The following FGGY variants were observed in gnomAD, a reference collection of about 807,000 sequenced individuals.
FGGY encodes FGGY carbohydrate kinase domain-containing protein.
A neutral mutation model predicts 71.3 loss-of-function variants in FGGY; 72 were observed. The observed-to-expected ratio is 1.01, with a 90% CI of 0.84 to 1.23. The LOEUF is 1.23. Ranked by LOEUF, FGGY falls within the 50% of genes most tolerant of loss-of-function variation. The pLI, the probability that FGGY is intolerant of heterozygous loss-of-function variation, is 0.00. For synonymous variants in FGGY, 251 were observed against 250.3 expected, an observed-to-expected ratio of 1.00 and a Z score of -0.02; for missense variants, 668 against 682.3, an observed-to-expected ratio of 0.98 and a Z score of 0.23.
At chr1:59,432,004 A>C (rs1238555489) in intron 5 of FGGY, among the ~76,000 whole-genome samples, 1 of 152,186 alleles carries the variant, frequency 6.6e-6, no homozygotes, top group African/African-American at 2.4e-5. Context: ...CATGTGATGG[A>C]TAGCAGCTCA....
intron 6 of FGGY, among the ~76,000 whole-genome samples, chr1:59,477,447 A>G (rs146742891): frequency 1.6e-4 from 25 of 152,218 alleles, no homozygotes; most frequent in African/African-American, 5.8e-4. Context: ...GCTGGCAGAC[A>G]CTGCGTTGCC....
chr1:59,472,469 G>A (rs1043947612), intron 6 of FGGY, among the ~76,000 whole-genome samples: 7 of 152,348 alleles, frequency 4.6e-5, no homozygotes, highest in Admixed American at 3.3e-4. Context: ...GAGGAATGCG[G>A]GCGCACGGCG....
chr1:59,362,517 T>C (rs187673466), intron 4 of FGGY, among the ~76,000 whole-genome samples: 1 of 152,350 alleles, frequency 6.6e-6, no homozygotes, highest in Admixed American at 6.5e-5. Context: ...TCTCTCAGAC[T>C]GAGCTTCTCA....
At chr1:59,440,094 CAA>C (rs140279518) in intron 5 of FGGY, among the ~76,000 whole-genome samples, 47,115 of 125,414 alleles carry the variant, frequency 0.38, 7,371 homozygotes, top group Middle Eastern at 0.49. Flanking sequence ...TTGCAAGGTT[CAA>C]AAAAAAAAAA....
intron 1 of FGGY, among the ~76,000 whole-genome samples, chr1:59,299,482 G>A (rs1389606287): frequency 6.6e-6 from 1 of 152,226 alleles, no homozygotes; most frequent in Non-Finnish European, 1.5e-5. Flanking sequence ...GGTAATTGTA[G>A]TAATATAGGT....
At chr1:59,490,365 G>A (rs1196363350) in intron 6 of FGGY, among the ~76,000 whole-genome samples, 1 of 152,054 alleles carries the variant, frequency 6.6e-6, no homozygotes, top group Non-Finnish European at 1.5e-5. Flanking sequence ...AATCAGGTTG[G>A]TTGTTTTTTT....
At chr1:59,390,691 A>G (rs1368892745) in intron 5 of FGGY, among the ~76,000 whole-genome samples, 1 of 151,660 alleles carries the variant, frequency 6.6e-6, no homozygotes, top group Non-Finnish European at 1.5e-5. Context: ...TTTTCTTACT[A>G]AATAAAAAGG....
intron 1 of FGGY, 63 bp from the exon 2 acceptor site, chr1:59,321,473 T>G (rs1456921861): frequency 2.8e-6 from 4 of 1,451,424 alleles, no homozygotes; most frequent in Non-Finnish European, 3.8e-6. Flanking sequence ...TTTTGAGATG[T>G]TTTGTGACTG....
At chr1:59,465,373 G>A (rs953845453) in intron 6 of FGGY, among the ~76,000 whole-genome samples, 41 of 152,108 alleles carry the variant, frequency 2.7e-4, no homozygotes, top group Non-Finnish European at 5.6e-4. Context: ...AATAAGAGCT[G>A]TTTATGACAG....
chr1:59,373,884 A>T (rs1195865883), intron 4 of FGGY, among the ~76,000 whole-genome samples: 1 of 152,194 alleles, frequency 6.6e-6, no homozygotes, highest in Non-Finnish European at 1.5e-5. Context: ...CCTTCCTTAC[A>T]CCCTATACAA....
chr1:59,738,641 C>A (rs2098124028), intron 14 of FGGY, among the ~76,000 whole-genome samples: 2 of 152,172 alleles, frequency 1.3e-5, no homozygotes, highest in Admixed American at 1.3e-4. Flanking sequence ...ACTGGTTATT[C>A]TGGGAAATGA....
chr1:59,542,445 C>CTTTTTTTTTTTTTTTTTTT (rs754831417), intron 7 of FGGY, among the ~76,000 whole-genome samples: 6 of 34,258 alleles, frequency 1.8e-4, no homozygotes, highest in Admixed American at 4.2e-4. Flanking sequence ...ATGTTCTTTA[C>CTTTTTTTTTTTTTTTTTTT]TTTTTTTTTT....
At chr1:59,375,406 C>T (rs2058501147) in intron 4 of FGGY, among the ~76,000 whole-genome samples, 2 of 152,048 alleles carry the variant, frequency 1.3e-5, no homozygotes, top group African/African-American at 2.4e-5. Context: ...GCTGGCCTAT[C>T]TCCAGACTTT....
intron 8 of FGGY, among the ~76,000 whole-genome samples, chr1:59,589,642 A>G (rs1164124883): frequency 2.6e-5 from 4 of 152,134 alleles, no homozygotes; most frequent in African/African-American, 7.2e-5. Flanking sequence ...CTCACTCAAA[A>G]CCGCTCAACT....
intron 14 of FGGY, among the ~76,000 whole-genome samples, chr1:59,678,751 C>T (rs1390471884): frequency 2.0e-5 from 3 of 151,948 alleles, no homozygotes; most frequent in Non-Finnish European, 4.4e-5. Context: ...TGTCTTGAAC[C>T]ACCACCCCCC....
At chr1:59,359,543 A>G (rs2054995460) in intron 4 of FGGY, among the ~76,000 whole-genome samples, 1 of 152,192 alleles carries the variant, frequency 6.6e-6, no homozygotes, top group Non-Finnish European at 1.5e-5. Flanking sequence ...AAGAATGACT[A>G]AATGATGGAA....
At chr1:59,329,029 A>G (rs964126736) in intron 2 of FGGY, among the ~76,000 whole-genome samples, 1 of 152,268 alleles carries the variant, frequency 6.6e-6, no homozygotes, top group African/African-American at 2.4e-5. Flanking sequence ...ACATGAGGTG[A>G]CATGAGCTAT....
At chr1:59,517,087 A>C (rs1311158023) in intron 7 of FGGY, among the ~76,000 whole-genome samples, 2 of 152,022 alleles carry the variant, frequency 1.3e-5, no homozygotes, top group Non-Finnish European at 2.9e-5. Context: ...CTTTGTTTGC[A>C]CTTTGTGGGG....
At chr1:59,672,835 G>A (rs1040632093) in intron 13 of FGGY, among the ~76,000 whole-genome samples, 2 of 152,150 alleles carry the variant, frequency 1.3e-5, no homozygotes, top group Non-Finnish European at 1.5e-5. Context: ...GCCATCTCCC[G>A]ATTAGCAGAC....
Sources: gnomAD v4.1 joint callset for allele counts (sites outside exome capture counted in the v4.1 genomes callset) on GRCh38, gnomAD v4.1.1 for gene constraint, MANE v1.5 for transcripts, NCBI Gene and HGNC (gene_info 2026-07-23, HGNC 2026-07-21) for gene names.